The following CTNNA3 variants were observed in gnomAD, a reference collection of about 807,000 sequenced individuals.
The protein encoded by CTNNA3 is catenin alpha 3, also known as catenin alpha-3.
CTNNA3 carries 76 observed loss-of-function variants against 95.7 expected under a neutral mutation model. The observed-to-expected ratio is 0.79, with a 90% CI of 0.66 to 0.96. The LOEUF (loss-of-function observed/expected upper bound fraction) is 0.96, where lower values mean the gene tolerates loss of function less well. Among genes scored for constraint, CTNNA3 ranks in the 40% least tolerant of loss-of-function variants. The pLI, the probability that CTNNA3 is intolerant of heterozygous loss-of-function variation, is 0.00. For synonymous variants in CTNNA3, 431 were observed against 374.4 expected, an observed-to-expected ratio of 1.15 and a Z score of -1.74; for missense variants, 1,191 against 1,089.8, an observed-to-expected ratio of 1.09 and a Z score of -1.31.
At chr10:66,628,994 T>A (rs561456377) in intron 9 of CTNNA3, among the ~76,000 whole-genome samples, 13 of 152,144 alleles carry the variant, frequency 8.5e-5, no homozygotes, top group African/African-American at 3.1e-4. Flanking sequence ...ATATTAATAT[T>A]TATTAGGCAG....
chr10:67,642,081 C>A (rs1177781846), intron 2 of CTNNA3, among the ~76,000 whole-genome samples: 5 of 151,884 alleles, frequency 3.3e-5, no homozygotes, highest in Non-Finnish European at 7.4e-5. Flanking sequence ...ACTATAAAAA[C>A]CCTAGAAGAA....
intron 7 of CTNNA3, among the ~76,000 whole-genome samples, chr10:67,120,599 T>C (rs1389792988): frequency 3.9e-5 from 6 of 151,990 alleles, no homozygotes; most frequent in Non-Finnish European, 7.4e-5. Flanking sequence ...TTGAGCACTT[T>C]CCAGAAAATA....
chr10:67,568,020 C>T (rs1001584010), intron 3 of CTNNA3, among the ~76,000 whole-genome samples: 1 of 152,098 alleles, frequency 6.6e-6, no homozygotes, highest in Non-Finnish European at 1.5e-5. Context: ...CCCCACTTTG[C>T]ATGGCTCATG....
chr10:66,774,690 T>C (rs1382724839), intron 8 of CTNNA3, among the ~76,000 whole-genome samples: 1 of 152,196 alleles, frequency 6.6e-6, no homozygotes, highest in Non-Finnish European at 1.5e-5. Flanking sequence ...TTTTTCTCCC[T>C]TTTGATGAGT....
chr10:67,750,419 G>A (rs1301333007), intron 1 of CTNNA3: 6 of 1,484,824 alleles, frequency 4.0e-6, no homozygotes, highest in Non-Finnish European at 5.6e-6. Context: ...CATTGACTGT[G>A]CCTATGTCTA....
At chr10:66,886,601 TC>T (rs1686370604) in intron 7 of CTNNA3, among the ~76,000 whole-genome samples, 1 of 152,302 alleles carries the variant, frequency 6.6e-6, no homozygotes, top group African/African-American at 2.4e-5. Context: ...TCCAGGACCA[TC>T]TAATTCACTG....
chr10:67,675,894 T>G (rs982786527), intron 1 of CTNNA3, among the ~76,000 whole-genome samples: 1 of 152,166 alleles, frequency 6.6e-6, no homozygotes, highest in Admixed American at 6.6e-5. Flanking sequence ...AGTTTTTTAC[T>G]TTATGGCTAT....
intron 3 of CTNNA3, among the ~76,000 whole-genome samples, chr10:67,542,510 T>C (rs1199033652): frequency 6.6e-6 from 1 of 152,084 alleles, no homozygotes; most frequent in East Asian, 1.9e-4. Context: ...ATGAACATTA[T>C]TCAACTTTTC....
intron 7 of CTNNA3, among the ~76,000 whole-genome samples, chr10:66,994,904 A>C (rs1390368450): frequency 1.3e-5 from 2 of 152,202 alleles, no homozygotes; most frequent in Non-Finnish European, 1.5e-5. Flanking sequence ...ACCCAAATGC[A>C]ACAAGTGGAA....
At chr10:67,387,445 T>C (rs1045744592) in intron 5 of CTNNA3, among the ~76,000 whole-genome samples, 4 of 151,808 alleles carry the variant, frequency 2.6e-5, no homozygotes, top group African/African-American at 7.3e-5. Context: ...AGCACGGCAG[T>C]CTGAGATCAA....
intron 1 of CTNNA3, among the ~76,000 whole-genome samples, chr10:67,668,094 A>C (rs1840363053): frequency 6.6e-6 from 1 of 152,102 alleles, no homozygotes; most frequent in South Asian, 2.1e-4. Flanking sequence ...GGCTCTCCTG[A>C]ACTATGTCTC....
intron 9 of CTNNA3, among the ~76,000 whole-genome samples, chr10:66,749,444 A>G (rs1839042665): frequency 6.6e-6 from 1 of 151,950 alleles, no homozygotes; most frequent in South Asian, 2.1e-4. Flanking sequence ...TCCAAATGTC[A>G]TATTGTGGAA....
chr10:66,348,991 T>A (rs1165946677), intron 12 of CTNNA3, among the ~76,000 whole-genome samples: 3 of 152,034 alleles, frequency 2.0e-5, no homozygotes, highest in African/African-American at 4.8e-5. Flanking sequence ...ACCATGACCC[T>A]TTCTTCCTGA....
intron 10 of CTNNA3, among the ~76,000 whole-genome samples, chr10:66,567,535 T>C (rs1352205640): frequency 6.6e-6 from 1 of 151,992 alleles, no homozygotes; most frequent in Non-Finnish European, 1.5e-5. Context: ...AGGAGGATCA[T>C]TTAAGCCCAG....
chr10:66,492,494 C>T (rs1056568161), intron 11 of CTNNA3, among the ~76,000 whole-genome samples: 18 of 151,190 alleles, frequency 1.2e-4, no homozygotes, highest in Non-Finnish European at 2.4e-4. Flanking sequence ...TGCTATGTTG[C>T]CCAGGTCACC....
At chr10:66,853,069 G>GT (rs34597614) in intron 7 of CTNNA3, among the ~76,000 whole-genome samples, 87,704 of 151,882 alleles carry the variant, frequency 0.58, 26,355 homozygotes, top group Non-Finnish European at 0.63. Context: ...GCTAGAAATG[G>GT]TTTCACATTT....
At chr10:66,119,854 T>C (rs889318498) in intron 13 of CTNNA3, among the ~76,000 whole-genome samples, 1 of 152,142 alleles carries the variant, frequency 6.6e-6, no homozygotes, top group Admixed American at 6.6e-5. Context: ...CTGTCTAATA[T>C]TTATTTATTC....
intron 13 of CTNNA3, among the ~76,000 whole-genome samples, chr10:66,104,806 C>G (rs2081819544): frequency 6.6e-6 from 1 of 152,228 alleles, no homozygotes; most frequent in Admixed American, 6.5e-5. Flanking sequence ...TCTCCTTAGA[C>G]TAGCTCTGGT....
intron 13 of CTNNA3, among the ~76,000 whole-genome samples, chr10:66,248,472 C>A (rs1404691137): frequency 6.6e-6 from 1 of 151,208 alleles, no homozygotes; most frequent in African/African-American, 2.4e-5. Flanking sequence ...TTTAAAAAAC[C>A]CACAATGATC....
Sources: gnomAD v4.1 joint callset for allele counts (sites outside exome capture counted in the v4.1 genomes callset) on GRCh38, gnomAD v4.1.1 for gene constraint, MANE v1.5 for transcripts, NCBI Gene and HGNC (gene_info 2026-07-23, HGNC 2026-07-21) for gene names.